The following TSHZ2 variants were observed in gnomAD, a reference collection of about 807,000 sequenced individuals.
The protein encoded by TSHZ2 is teashirt zinc finger homeobox 2, also known as teashirt homolog 2.
TSHZ2 carries 21 observed loss-of-function variants against 74.4 expected under a neutral mutation model. The observed-to-expected ratio is 0.28, with a 90% confidence interval of 0.20 to 0.41. The LOEUF is 0.41. TSHZ2 is among the 10% of genes least tolerant of loss of function. The pLI, the probability that TSHZ2 is intolerant of heterozygous loss-of-function variation, is 1.00. For missense variants in TSHZ2, 1,244 were observed against 1,293.5 expected, an observed-to-expected ratio of 0.96 and a Z score of 0.59; for synonymous variants, 540 against 515.3, an observed-to-expected ratio of 1.05 and a Z score of -0.65.
At chr20:53,420,991 A>G (rs1983448285) in intron 2 of TSHZ2, among the ~76,000 whole-genome samples, 1 of 152,224 alleles carries the variant, frequency 6.6e-6, no homozygotes, top group Non-Finnish European at 1.5e-5. Flanking sequence ...CTACGTTTCA[A>G]TGGAAACCAA....
At chr20:53,123,288 C>T (rs1986862240) in intron 1 of TSHZ2, among the ~76,000 whole-genome samples, 2 of 152,232 alleles carry the variant, frequency 1.3e-5, no homozygotes, top group African/African-American at 4.8e-5. Context: ...TTTTAGCTCA[C>T]CAGTCTGTGG....
At chr20:53,478,103 G>A (rs950816448) in intron 2 of TSHZ2, among the ~76,000 whole-genome samples, 1 of 145,094 alleles carries the variant, frequency 6.9e-6, no homozygotes, top group Non-Finnish European at 1.5e-5. Flanking sequence ...AGTCAGTGTG[G>A]CGATTCCTCA....
intron 1 of TSHZ2, among the ~76,000 whole-genome samples, chr20:53,144,844 A>AAT (rs1172144263): frequency 6.6e-6 from 1 of 151,368 alleles, no homozygotes; most frequent in East Asian, 1.9e-4. Context: ...AGATGAATTA[A>AAT]ATATATATAT....
intron 1 of TSHZ2, among the ~76,000 whole-genome samples, chr20:53,090,094 C>T (rs774272441): frequency 1.2e-4 from 19 of 152,348 alleles, no homozygotes; most frequent in South Asian, 4.2e-4. Flanking sequence ...TCTAAGAGTC[C>T]AAAAGCTGAA....
chr20:53,371,339 T>G (rs1415311219), intron 2 of TSHZ2, among the ~76,000 whole-genome samples: 1 of 152,176 alleles, frequency 6.6e-6, no homozygotes, highest in Non-Finnish European at 1.5e-5. Flanking sequence ...TCTGTAAAGT[T>G]TACAAAATCT....
chr20:53,397,682 T>C (rs1982505690), intron 2 of TSHZ2: 1 of 152,214 alleles, frequency 6.6e-6, no homozygotes, highest in Non-Finnish European at 1.5e-5. Flanking sequence ...CACATGTATG[T>C]TTATTGCGGC....
At chr20:53,417,428 C>A (rs1256621135) in intron 2 of TSHZ2, among the ~76,000 whole-genome samples, 1 of 152,102 alleles carries the variant, frequency 6.6e-6, no homozygotes. Context: ...TCCCAGGTAG[C>A]TGAGAATACA....
chr20:53,058,168 G>A (rs1055470573), intron 1 of TSHZ2, among the ~76,000 whole-genome samples: 2 of 152,104 alleles, frequency 1.3e-5, no homozygotes, highest in Non-Finnish European at 2.9e-5. Flanking sequence ...GGCTCAGCTC[G>A]GGCCATAAGA....
intron 1 of TSHZ2, among the ~76,000 whole-genome samples, chr20:52,975,676 C>T (rs772825064): frequency 1.3e-5 from 2 of 152,082 alleles, no homozygotes; most frequent in Non-Finnish European, 2.9e-5. Context: ...TGATTCATTT[C>T]GTACACAGTG....
intron 2 of TSHZ2, among the ~76,000 whole-genome samples, chr20:53,339,854 A>G (rs533320884): frequency 6.6e-6 from 1 of 152,214 alleles, no homozygotes; most frequent in African/African-American, 2.4e-5. Context: ...AACTTTTAGG[A>G]TTTGTATCAT....
At chr20:53,006,588 C>T (rs1982655550) in intron 1 of TSHZ2, among the ~76,000 whole-genome samples, 1 of 152,232 alleles carries the variant, frequency 6.6e-6, no homozygotes, top group Admixed American at 6.5e-5. Flanking sequence ...AATCCATCAT[C>T]TATGTTGCCA....
At chr20:53,205,420 T>C (rs1989142673) in intron 1 of TSHZ2, among the ~76,000 whole-genome samples, 1 of 152,204 alleles carries the variant, frequency 6.6e-6, no homozygotes, top group Non-Finnish European at 1.5e-5. Context: ...AAAATGTACA[T>C]ATTCTTTCTG....
chr20:53,008,311 T>G (rs1343682313), intron 1 of TSHZ2, among the ~76,000 whole-genome samples: 1 of 152,228 alleles, frequency 6.6e-6, no homozygotes, highest in Non-Finnish European at 1.5e-5. Context: ...AGCCTGTGGT[T>G]AATTCATGGC....
At chr20:53,252,595 G>C (rs1353685670) in intron 1 of TSHZ2, among the ~76,000 whole-genome samples, 2 of 152,106 alleles carry the variant, frequency 1.3e-5, no homozygotes, top group Non-Finnish European at 2.9e-5. Flanking sequence ...TGTAATTACT[G>C]GTCCTAAATC....
At chr20:53,347,634 C>CTT (rs11479969) in intron 2 of TSHZ2, among the ~76,000 whole-genome samples, 1 of 150,660 alleles carries the variant, frequency 6.6e-6, no homozygotes, top group Non-Finnish European at 1.5e-5. Flanking sequence ...ATCTTTTTTA[C>CTT]TTTTTTTTTT....
chr20:53,277,491 T>C (rs1390542570), intron 2 of TSHZ2, among the ~76,000 whole-genome samples: 8 of 151,848 alleles, frequency 5.3e-5, no homozygotes, highest in Non-Finnish European at 4.4e-5. Context: ...TAACAGCTCA[T>C]CCAAGGACAG....
At chr20:53,207,336 G>A (rs1315501867) in intron 1 of TSHZ2, among the ~76,000 whole-genome samples, 8 of 152,028 alleles carry the variant, frequency 5.3e-5, no homozygotes, top group Non-Finnish European at 2.9e-5. Flanking sequence ...CAGGGGTGGG[G>A]GGCACTTAAC....
At position 53,256,527 on chromosome 20, in the gene TSHZ2, C is replaced by G; in HGVS notation, c.3069C>G (p.His1023Gln). The G allele has an allele frequency of 1.2e-6, 2 of 1,605,534 alleles. No homozygotes were observed. The highest frequency in any genetic ancestry group is 1.7e-6 in the Non-Finnish European group (2 of 1,174,216). The change falls in exon 2 of 3, where the codon CAC becomes CAG. Residue 1023 changes from histidine to glutamine, a missense_variant. Coordinates refer to ENST00000371497, the MANE Select transcript of TSHZ2 (RefSeq NM_173485.6). The surrounding 1 kb of genome is among the most constrained non-coding windows in gnomAD (Gnocchi z 4.3). ...AAACGCACAGCAAGTCACCCGAACA[C>G]CATTCACAGTTTGTAACAGACGTGG... ...LSKTHSKSPE[H>Q]HSQFVTDVDE...
intron 2 of TSHZ2, among the ~76,000 whole-genome samples, chr20:53,410,603 A>ATTATTATTATTG (rs1406035635): frequency 1.4e-5 from 2 of 147,178 alleles, no homozygotes; most frequent in African/African-American, 5.0e-5. Flanking sequence ...TATTATTATT[A>ATTATTATTATTG]TTATTATTAT....
Sources: gnomAD v4.1 joint callset for allele counts (sites outside exome capture counted in the v4.1 genomes callset) on GRCh38, gnomAD v4.1.1 for gene constraint, Gnocchi (gnomAD v3.1) non-coding constraint, MANE v1.5 for transcripts, NCBI Gene and HGNC (gene_info 2026-07-23, HGNC 2026-07-21) for gene names.